TMPRSS15: variants seen among roughly 807,000 people sequenced by gnomAD.
TMPRSS15 encodes enteropeptidase.
Under a neutral mutation model 125.3 loss-of-function variants are expected in TMPRSS15, and 128 were observed. The observed-to-expected ratio is 1.02, with a 90% CI of 0.89 to 1.18. The LOEUF is 1.18. TMPRSS15 is among the 50% of genes most tolerant of loss of function. The pLI is 0.00. For missense variants in TMPRSS15, 1,283 were observed against 1,212.7 expected, an observed-to-expected ratio of 1.06 and a Z score of -0.86; for synonymous variants, 446 against 423.2, an observed-to-expected ratio of 1.05 and a Z score of -0.66.
chr21:18,282,652 T>TA (rs2074715066), intron 21 of TMPRSS15, among the ~76,000 whole-genome samples: 1 of 152,220 alleles, frequency 6.6e-6, no homozygotes, highest in Non-Finnish European at 1.5e-5. Flanking sequence ...GAAATACACC[T>TA]AAGTGCTCTG....
chr21:18,393,834 A>G (rs1601432692), intron 3 of TMPRSS15, among the ~76,000 whole-genome samples: 2 of 152,332 alleles, frequency 1.3e-5, no homozygotes. Flanking sequence ...ATAGCCTATC[A>G]AAACAGAGAG....
chr21:18,279,529 T>C (rs1385729436), intron 22 of TMPRSS15, among the ~76,000 whole-genome samples: 3 of 150,954 alleles, frequency 2.0e-5, no homozygotes, highest in African/African-American at 7.3e-5. Context: ...AGAGATGGCG[T>C]TTCACTGTGT....
intron 17 of TMPRSS15, among the ~76,000 whole-genome samples, chr21:18,313,866 G>A (rs2075128832): frequency 6.7e-6 from 1 of 149,002 alleles, no homozygotes; most frequent in African/African-American, 2.5e-5. Flanking sequence ...TCAAGTTTAG[G>A]GATTACTTTA....
chr21:18,434,822 A>T (rs1292946954), intron 1 of TMPRSS15, among the ~76,000 whole-genome samples: 1 of 87,516 alleles, frequency 1.1e-5, no homozygotes, highest in Non-Finnish European at 2.5e-5. Flanking sequence ...AAATACATTT[A>T]AAAACTCATA....
chr21:18,361,255 A>G (rs1328861613), intron 7 of TMPRSS15, among the ~76,000 whole-genome samples: 4 of 152,068 alleles, frequency 2.6e-5, no homozygotes, highest in African/African-American at 9.7e-5. Context: ...TTATAATCAG[A>G]AATGTAAATA....
chr21:18,469,647 TATC>T (rs977528659), intron 1 of TMPRSS15, among the ~76,000 whole-genome samples: 1 of 152,038 alleles, frequency 6.6e-6, no homozygotes, highest in Non-Finnish European at 1.5e-5. Flanking sequence ...AAGAGCCACA[TATC>T]ATGATAGATT....
At chr21:18,414,493 C>T (rs1442086960) in intron 1 of TMPRSS15, among the ~76,000 whole-genome samples, 2 of 152,160 alleles carry the variant, frequency 1.3e-5, no homozygotes, top group Non-Finnish European at 2.9e-5. Flanking sequence ...CAATTTTATA[C>T]ATATCGAATT....
At chr21:18,344,309 C>G (rs1038684779) in intron 10 of TMPRSS15, among the ~76,000 whole-genome samples, 7 of 152,034 alleles carry the variant, frequency 4.6e-5, no homozygotes, top group Admixed American at 4.6e-4. Context: ...AGTGGAGTAC[C>G]ACCAAGGATA....
intron 5 of TMPRSS15, 143 bp from the exon 6 acceptor site, chr21:18,372,467 C>A: frequency 1.3e-6 from 1 of 791,840 alleles, no homozygotes; most frequent in Non-Finnish European, 2.0e-6. Context: ...ATTTGCAAAT[C>A]AATCATTTGT....
intron 1 of TMPRSS15, among the ~76,000 whole-genome samples, chr21:18,451,877 G>A (rs1352941932): frequency 8.1e-6 from 1 of 124,036 alleles, no homozygotes; most frequent in Non-Finnish European, 1.7e-5. Context: ...GTCATGGCAT[G>A]CATAAGACAT....
intron 19 of TMPRSS15, among the ~76,000 whole-genome samples, chr21:18,296,985 C>A (rs1307163610): frequency 6.6e-6 from 1 of 152,152 alleles, no homozygotes; most frequent in Non-Finnish European, 1.5e-5. Flanking sequence ...ACAAAATATA[C>A]CAGCAAAGCA....
chr21:18,380,722 C>T (rs927653145), intron 4 of TMPRSS15: 16 of 334,680 alleles, frequency 4.8e-5, no homozygotes, highest in Non-Finnish European at 8.1e-5. Flanking sequence ...CATGCTAAGC[C>T]TTCCTATTCA....
intron 18 of TMPRSS15, among the ~76,000 whole-genome samples, chr21:18,304,080 T>C (rs1173132361): frequency 6.6e-6 from 1 of 152,158 alleles, no homozygotes. Context: ...CTTCTCAGAT[T>C]TCTGATGCAG....
upstream of TMPRSS15, among the ~76,000 whole-genome samples, chr21:18,406,441 A>C (rs915715710): frequency 2.0e-5 from 3 of 152,172 alleles, no homozygotes; most frequent in African/African-American, 7.2e-5. Flanking sequence ...GCTATGGCTT[A>C]CAAATAAAAA....
At chr21:18,365,385 G>A (rs2075717157) in intron 6 of TMPRSS15, 137 bp from the exon 7 acceptor site, 2 of 758,744 alleles carry the variant, frequency 2.6e-6, no homozygotes, top group Non-Finnish European at 4.6e-6. Context: ...AAGATTTCAT[G>A]TTTGAAACCT....
chr21:18,302,497 C>T (rs2074983883), intron 18 of TMPRSS15, among the ~76,000 whole-genome samples: 1 of 152,156 alleles, frequency 6.6e-6, no homozygotes, highest in Admixed American at 6.5e-5. Flanking sequence ...CTAGCACACA[C>T]CTAGCCCAGT....
chr21:18,463,941 G>C (rs2122954248), intron 1 of TMPRSS15, among the ~76,000 whole-genome samples: 19 of 152,002 alleles, frequency 1.2e-4, no homozygotes, highest in Admixed American at 8.5e-4. Flanking sequence ...TGGGGAAGCC[G>C]AGGTGGGTGG....
chr21:18,281,123 A>T lies in TMPRSS15; in HGVS notation c.2585T>A (p.Ile862Asn). The change falls in exon 22 of 25, where the codon ATT becomes AAT. Residue 862 changes from isoleucine to asparagine, a missense_variant. Transcript: ENST00000284885. ...PQTVPRLIDEIVINPHYNRRR... is the reference protein window; with the variant it reads ...PQTVPRLIDENVINPHYNRRR... ...CCTATTGTAATGAGGGTTTATGACA[A>T]TTTCATCTATTAATCGAGGGACTGT... The T allele has an allele frequency of 1.2e-6, 2 of 1,613,876 alleles. No homozygotes were observed. The highest frequency in any genetic ancestry group is 2.7e-5 in the African/African-American group (2 of 74,928).
chr21:18,400,704 G>A (rs1392221778), intron 1 of TMPRSS15, among the ~76,000 whole-genome samples: 1 of 152,100 alleles, frequency 6.6e-6, no homozygotes, highest in African/African-American at 2.4e-5. Flanking sequence ...AAAAGCAGTT[G>A]CAACGAAACC....
Sources: allele counts gnomAD v4.1 joint callset (sites outside exome capture counted in the v4.1 genomes callset), GRCh38; gene constraint gnomAD v4.1.1; transcripts MANE v1.5; gene names NCBI Gene and HGNC (gene_info 2026-07-23, HGNC 2026-07-21).